The following MUC6 variants were observed in gnomAD, a reference collection of about 807,000 sequenced individuals.
The protein encoded by MUC6 is mucin-6.
Under a neutral mutation model 201.5 loss-of-function variants are expected in MUC6, and 188 were observed. The ratio of observed to expected loss-of-function variants is 0.93; its 90% CI spans 0.83 to 1.05. MUC6 has a LOEUF of 1.05. Among genes scored for constraint, MUC6 ranks in the 50% least tolerant of loss-of-function variants. The probability of loss-of-function intolerance (pLI) is 0.00; values close to 1 mark genes in which losing one functional copy is unlikely to be tolerated. For synonymous variants in MUC6, 1,228 were observed against 1,389.4 expected (o/e 0.88, Z 2.58); for missense variants, 2,706 against 3,256.9 (o/e 0.83, Z 4.12).
chr11:1,034,956 C>G (rs917976991), intron 1 of MUC6, among the ~76,000 whole-genome samples: 2 of 152,194 alleles, frequency 1.3e-5, no homozygotes, highest in Admixed American at 6.5e-5. Context: ...CCCAGACTGG[C>G]TGTGCTTCCC....
At position 1,016,313 on chromosome 11, in the gene MUC6, G is replaced by A. The variant is rs1326978329; in HGVS notation, c.6488C>T (p.Ser2163Phe). ...QTSSPSVGTS[S>F]SFVSAPVHST... ...GTGCACGGGGGCGGACACGAAAGAG[G>A]AAGATGTGCCAACAGAAGGCGATGA... The change falls in exon 31 of 33, where the codon TCC (serine) becomes TTC (phenylalanine). Residue 2163 changes from serine to phenylalanine, a missense_variant. Ser to Phe is a radical substitution (Grantham distance 155). Transcript: ENST00000421673. 1.2e-6 allele frequency: 2 copies of A among 1,611,688 alleles called. No individual in the cohort carries two copies. The highest frequency in any genetic ancestry group is 1.7e-5 in the Admixed American group (1 of 59,552).
rs199983436 is a variant in MUC6, at chr11:1,018,049, G to C, written c.4752C>G (p.Pro1584=). 6.2e-7 allele frequency: 1 copy of C among 1,609,244 alleles called. No individual in the cohort carries two copies. Among genetic ancestry groups the C allele is most frequent in the African/African-American group, 1.4e-5 (1 of 73,284 alleles). ...CCGTCATGGGACCTGTGGAAGAGAA[G>C]GGACTGCTCCCTGTAGGTGGGGAGT... ...TTHSPPTGSS[P]FSSTGPMTAT... is the part of the protein sequence containing the mutation. Residue 1584 remains proline (P), a synonymous_variant, in exon 31 of 33, where the codon CCC becomes CCG. Transcript: ENST00000421673.
In MUC6 at chr11:1,025,854, C is replaced by G. The variant is rs1856944033; in HGVS notation, c.2750G>C (p.Cys917Ser). 1 of 1,612,986 alleles carries G rather than the reference C, an allele frequency of 6.2e-7. No individual in the cohort carries two copies. The highest frequency in any genetic ancestry group is 1.1e-5 in the South Asian group (1 of 91,020). Residue 917 changes from cysteine (C) to serine (S), a missense_variant, in exon 22 of 33, where the codon TGT becomes TCT. Transcript: ENST00000421673. ...TFKILTENVI[C>S]GNSGVTCSRA... is the part of the protein sequence containing the mutation. ...TGAGCATGTGACCCCGGAGTTCCCACAGATGACGTTCTCTGTCAGGATCTT... is the reference window on the plus strand; with the variant it reads ...TGAGCATGTGACCCCGGAGTTCCCAGAGATGACGTTCTCTGTCAGGATCTT...
chr11:1,027,717 A>G lies in MUC6; in HGVS notation c.1949T>C (p.Leu650Pro). 1.2e-6 allele frequency: 2 copies of G among 1,605,706 alleles called. No individual in the cohort carries two copies. The highest frequency in any genetic ancestry group is 1.1e-5 in the South Asian group (1 of 89,688). The part of the protein sequence containing the change: ...VHACSLRGVL[L>P]WGWRSSVDNC... ...GTCCACACTGCTTCTCCAGCCCCAG[A>G]GCAGGACGCCCCGCAAGGAGCAGGC... Residue 650 changes from leucine (L) to proline (P), a missense_variant, in exon 16 of 33, where the codon CTC becomes CCC. Around this residue, in one of 10 missense-constraint regions of MUC6, gnomAD observed 1,850 missense variants for 1,958.3 expected, o/e 0.94. Coordinates refer to ENST00000421673, the MANE Select transcript of MUC6 (RefSeq NM_005961.3).
At chr11:1,019,105 G>C (rs1297051818) in intron 30 of MUC6, among the ~76,000 whole-genome samples, 170 bp downstream of exon 30, 1 of 152,244 alleles carries the variant, frequency 6.6e-6, no homozygotes, top group Non-Finnish European at 1.5e-5. Context: ...GCCTTTGTGA[G>C]TGCCAGGCGG....
At chr11:1,015,729 G>A in intron 31 of MUC6, 33 bp downstream of exon 31, 7 of 1,520,678 alleles carry the variant, frequency 4.6e-6, no homozygotes, top group Non-Finnish European at 6.2e-6. Context: ...ACAGAGGTGA[G>A]GCCAGGAGAA....
chr11:1,019,334 G>T lies in MUC6; in HGVS notation c.3971C>A (p.Thr1324Lys), dbSNP rs1412833889. 6.2e-7 allele frequency: 1 copy of T among 1,614,050 alleles called. No individual in the cohort carries two copies. Among genetic ancestry groups the T allele is most frequent in the South Asian group, 1.1e-5 (1 of 91,088 alleles). The change falls in exon 30 of 33, where the codon ACA (threonine) becomes AAA (lysine). Residue 1324 changes from threonine to lysine, a missense_variant. Physicochemically the swap from Thr to Lys is moderately conservative, Grantham distance 78. Coordinates refer to ENST00000421673, the MANE Select transcript of MUC6 (RefSeq NM_005961.3). The stretch of plus-strand genomic sequence containing the variant: ...TGGTAGTGTCATTGTGGTCCGTGTT[G>T]TGGACTGAGCTGTGGACGTCGTGGC... ...SPATTSTAQS[T>K]TRTTMTLPTP...
chr11:1,016,351 G>A lies in MUC6; in HGVS notation c.6450C>T (p.Ser2150=), dbSNP rs200655551. The A allele has an allele frequency of 9.8e-5, 158 of 1,611,376 alleles. 1 individual carries two copies. The highest frequency in any genetic ancestry group is 1.2e-4 in the Non-Finnish European group (144 of 1,178,762). Reference sequence around the variant, plus strand: ...CAGAAGGCGATGAAGTCTGGGGAGAGGAGTGGGAGGAGGGCACATAAGAAG... The same window carrying A: ...CAGAAGGCGATGAAGTCTGGGGAGAAGAGTGGGAGGAGGGCACATAAGAAG... ...TVSSYVPSSH[S]SPQTSSPSVG... Residue 2150 remains serine (S), a synonymous_variant, in exon 31 of 33, where the codon TCC becomes TCT. Transcript: ENST00000421673.
intron 1 of MUC6, among the ~76,000 whole-genome samples, chr11:1,034,123 C>T (rs991754310): frequency 7.9e-5 from 12 of 152,186 alleles, no homozygotes; most frequent in Non-Finnish European, 4.4e-5. Context: ...TGGTGTTAAC[C>T]GCGGTCCAGG....
chr11:1,025,078 G>A lies in MUC6; in HGVS notation c.2991C>T (p.Pro997=). 3 of 1,612,918 alleles carry A rather than the reference G, an allele frequency of 1.9e-6. No homozygotes were observed. Among genetic ancestry groups the A allele is most frequent in the Non-Finnish European group, 2.5e-6 (3 of 1,179,854 alleles). ...LIRIARASQD[P]LCGLCGNFNG... ...TGAAGTTGCCACACAAGCCGCAGAG[G>A]GGATCCTGCAGACGGTGGCATCAGG... is the stretch of plus-strand genomic sequence containing the variant. Residue 997 remains proline, a synonymous_variant, in exon 24 of 33, where the codon CCC becomes CCT. Transcript: ENST00000421673.
At chr11:1,031,288 G>A (rs764194995) in intron 4 of MUC6, 29 bp from the exon 5 acceptor site, 9 of 1,539,892 alleles carry the variant, frequency 5.8e-6, no homozygotes, top group South Asian at 1.2e-5. Flanking sequence ...CTGGGGGCCC[G>A]GGGGCCAGGG....
intron 16 of MUC6, 81 bp downstream of exon 16, chr11:1,027,604 G>C (rs1856995901): frequency 6.3e-7 from 1 of 1,588,426 alleles, no homozygotes; most frequent in Admixed American, 1.8e-5. Flanking sequence ...GCACTGCAGA[G>C]CCTCAGAGCT....
Position 1,024,749 on chromosome 11 carries a change from G to A in MUC6, c.3225+95C>T. 3 of 1,494,702 alleles carry A rather than the reference G, an allele frequency of 2.0e-6. No homozygotes were observed. In the South Asian group the frequency reaches 3.9e-5, roughly 20 times the overall value. The allele number at this position is 1,494,702 out of a possible 1,614,324, so 92.6% of individuals were successfully genotyped here. A position where few individuals can be genotyped will look rare whatever the true frequency, so the allele number is the denominator to read the frequency against. On this transcript the variant is annotated intron_variant, in intron 24 of 32. Coordinates refer to ENST00000421673, the MANE Select transcript of MUC6 (RefSeq NM_005961.3). The stretch of plus-strand genomic sequence containing the variant: ...GACCTGGCTGGTCTGGGATCCCACG[G>A]AGGGAGAACCGTGCCTGGCTTCCCC...
At chr11:1,020,376 G>T in intron 28 of MUC6, 119 bp from the exon 29 acceptor site, 2 of 1,325,686 alleles carry the variant, frequency 1.5e-6, no homozygotes, top group Non-Finnish European at 2.0e-6. Flanking sequence ...ATGATGTGCA[G>T]TTGAGGGCTG....
chr11:1,028,190 G>T (rs1237201121), intron 14 of MUC6, 36 bp downstream of exon 14: 31 of 1,545,966 alleles, frequency 2.0e-5, no homozygotes, highest in Non-Finnish European at 2.7e-5. Flanking sequence ...TGGGCGCTGG[G>T]GGGGCAGCCA....
Position 1,031,651 on chromosome 11 carries a change from C to T in MUC6, c.439G>A (p.Glu147Lys). Reference sequence around the variant, plus strand: ...CCCCACACGACTTCCAGCTCCAGCTCCAGCTGCTTGGCCACCAGCCGCACG... The same window carrying T: ...CCCCACACGACTTCCAGCTCCAGCTTCAGCTGCTTGGCCACCAGCCGCACG... ...QSVRLVAKQL[E>K]LELEVVWGPD... The change falls in exon 4 of 33, where the codon GAG (glutamate) becomes AAG (lysine). Residue 147 changes from glutamate (E) to lysine (K), a missense_variant. Coordinates refer to ENST00000421673, the MANE Select transcript of MUC6 (RefSeq NM_005961.3). 1 of 1,550,536 alleles carries T rather than the reference C, an allele frequency of 6.4e-7. No individual in the cohort carries two copies. Among genetic ancestry groups the T allele is most frequent in the Non-Finnish European group, 8.7e-7 (1 of 1,147,072 alleles).
Position 1,015,863 on chromosome 11 carries a change from G to T in MUC6, c.6938C>A (p.Ser2313Ter), listed in dbSNP as rs367913682. ...LTTRHPGPTL[S>*]PTTRFLTSSL... ...GCTGGTCAGGAACCGTGTGGTAGGC[G>T]ACAAGGTGGGACCAGGGTGCCTGGT... The change falls in exon 31 of 33, where the codon TCG becomes TAG. Residue 2313 changes from serine to a stop codon, truncating the protein, a stop_gained. Transcript: ENST00000421673. LOFTEE classifies it high-confidence loss of function. 46 of 1,607,486 alleles carry T rather than the reference G, an allele frequency of 2.9e-5. No individual in the cohort carries two copies. Among genetic ancestry groups the T allele is most frequent in the Non-Finnish European group, 3.7e-5 (43 of 1,176,422 alleles).
chr11:1,028,768 A>G lies in MUC6; in HGVS notation c.1469T>C (p.Phe490Ser). Reference sequence around the variant, plus strand: ...CTGGAGGTGGGTGGACGTCTGCCTGAAGACCGTGATGTTGCCTGCAGGACG... The same window carrying G: ...CTGGAGGTGGGTGGACGTCTGCCTGGAGACCGTGATGTTGCCTGCAGGACG... ...LPYKTRNITV[F>S]RQTSTHLQMA... is the part of the protein sequence containing the mutation. Residue 490 changes from phenylalanine to serine, a missense_variant, in exon 13 of 33, where the codon TTC (phenylalanine) becomes TCC (serine). Phe to Ser is a radical substitution (Grantham distance 155). Around this residue, in one of 10 missense-constraint regions of MUC6, gnomAD observed 1,850 missense variants for 1,958.3 expected, o/e 0.94. Transcript: ENST00000421673. 1 of 1,611,494 alleles carries G rather than the reference A, an allele frequency of 6.2e-7. No homozygotes were observed. Among genetic ancestry groups the G allele is most frequent in the Non-Finnish European group, 8.5e-7 (1 of 1,179,792 alleles).
Position 1,028,891 on chromosome 11 carries a change from G to A in MUC6, c.1451C>T (p.Thr484Ile), listed in dbSNP as rs749719261. Residue 484 changes from threonine to isoleucine, a missense_variant and splice_region_variant, in exon 12 of 33, where the codon ACT becomes ATT. Coordinates refer to ENST00000421673, the MANE Select transcript of MUC6 (RefSeq NM_005961.3). ...NGEAKWLPYK[T>I]RNITVFRQTS... Reference sequence around the variant, plus strand: ...CCACAGACTGGGCCAGGACGTACGAGTCTTGTATGGCAGCCACTTGGCTTC... The same window carrying A: ...CCACAGACTGGGCCAGGACGTACGAATCTTGTATGGCAGCCACTTGGCTTC... 8.1e-6 allele frequency: 13 copies of A among 1,612,298 alleles called. No individual in the cohort carries two copies. The highest frequency in any genetic ancestry group is 1.1e-5 in the South Asian group (1 of 91,090).
Sources: allele counts gnomAD v4.1 joint callset (sites outside exome capture counted in the v4.1 genomes callset), GRCh38; gene constraint gnomAD v4.1.1; regional missense constraint gnomAD v4.1.1; transcripts MANE v1.5; gene names NCBI Gene and HGNC (gene_info 2026-07-23, HGNC 2026-07-21).